TEX36: variants seen among roughly 807,000 people sequenced by gnomAD.
TEX36 encodes the protein testis-expressed protein 36.
In TEX36, 12 loss-of-function variants were observed where a neutral mutation model predicts 13.6. That is an observed-to-expected ratio of 0.88 (90% CI 0.56 to 1.43). TEX36 has a LOEUF of 1.43. TEX36 is among the 40% of genes most tolerant of loss of function. The pLI, the probability that TEX36 is intolerant of heterozygous loss-of-function variation, is 0.00. For missense variants in TEX36, 224 were observed against 228.3 expected, an observed-to-expected ratio of 0.98 and a Z score of 0.12; for synonymous variants, 93 against 83.0, an observed-to-expected ratio of 1.12 and a Z score of -0.65.
At chr10:125,620,461 C>T (rs1846416474), downstream of TEX36, among the ~76,000 whole-genome samples, 1 of 152,140 alleles carries the variant, frequency 6.6e-6, no homozygotes. Context: ...CTCTTTCCCT[C>T]TGACATTCAG....
At chr10:125,675,392 G>A (rs1420900938) in intron 1 of TEX36, among the ~76,000 whole-genome samples, 4 of 150,996 alleles carry the variant, frequency 2.6e-5, no homozygotes, top group Admixed American at 6.6e-5. Context: ...GAGTTCAGTC[G>A]TCTTAGGCAG....
intron 3 of TEX36, among the ~76,000 whole-genome samples, chr10:125,649,793 T>A (rs990485636): frequency 6.6e-6 from 1 of 151,856 alleles, no homozygotes; most frequent in African/African-American, 2.4e-5. Flanking sequence ...AACAAAGGGA[T>A]GAAGGAAGAT....
chr10:125,639,937 T>C (rs928303762), intron 3 of TEX36, among the ~76,000 whole-genome samples: 2 of 152,206 alleles, frequency 1.3e-5, no homozygotes, highest in Admixed American at 6.5e-5. Flanking sequence ...CATGGCATCT[T>C]AGACAAAGGC....
At chr10:125,625,277 T>C (rs1424786009) in intron 3 of TEX36, among the ~76,000 whole-genome samples, 3 of 152,190 alleles carry the variant, frequency 2.0e-5, no homozygotes, top group African/African-American at 7.2e-5. Context: ...AAAGTAAATG[T>C]TCAATTAAAC....
intron 1 of TEX36, among the ~76,000 whole-genome samples, chr10:125,675,104 C>T (rs183447567): frequency 1.3e-5 from 2 of 152,258 alleles, no homozygotes; most frequent in African/African-American, 2.4e-5. Flanking sequence ...TGTCCTTAAA[C>T]CCCTGGCTGG....
At chr10:125,667,823 C>T (rs945529629) in intron 1 of TEX36, 36 of 1,312,218 alleles carry the variant, frequency 2.7e-5, no homozygotes, top group Admixed American at 1.0e-4. Context: ...GGACTGCAGC[C>T]GCTTGGCAAT....
chr10:125,600,713 C>A (rs1846135183), intron 3 of TEX36, among the ~76,000 whole-genome samples: 1 of 152,204 alleles, frequency 6.6e-6, no homozygotes, highest in Non-Finnish European at 1.5e-5. Flanking sequence ...AGGAGGACAA[C>A]TGTCCCATCT....
chr10:125,618,550 G>A (rs1846386609), downstream of TEX36, among the ~76,000 whole-genome samples: 1 of 152,040 alleles, frequency 6.6e-6, no homozygotes, highest in Non-Finnish European at 1.5e-5. Flanking sequence ...CCGGCTGTGT[G>A]AGGTGTCAGT....
At chr10:125,609,163 AC>A (rs1336941683) in intron 3 of TEX36, among the ~76,000 whole-genome samples, 17,467 of 85,600 alleles carry the variant, frequency 0.2, 2,188 homozygotes, top group African/African-American at 0.5. Flanking sequence ...TCAGGAAAAA[AC>A]AAAACAAAAA....
At chr10:125,612,669 C>A (rs901512947) in intron 3 of TEX36, among the ~76,000 whole-genome samples, 5 of 152,054 alleles carry the variant, frequency 3.3e-5, no homozygotes, top group East Asian at 1.9e-4. Flanking sequence ...CCTTAGTAAT[C>A]CCCCGGGCTT....
intron 3 of TEX36, among the ~76,000 whole-genome samples, chr10:125,647,375 T>G (rs1023166854): frequency 6.6e-6 from 1 of 152,208 alleles, no homozygotes; most frequent in African/African-American, 2.4e-5. Context: ...AGCAAGATGT[T>G]AACAGTAGGG....
At chr10:125,632,821 C>T (rs1846574407) in intron 3 of TEX36, among the ~76,000 whole-genome samples, 1 of 152,086 alleles carries the variant, frequency 6.6e-6, no homozygotes, top group Non-Finnish European at 1.5e-5. Flanking sequence ...CATTTTCTTA[C>T]CAAAGATCAG....
chr10:125,666,968 G>A (rs1005684105), intron 1 of TEX36: 4 of 1,044,656 alleles, frequency 3.8e-6, no homozygotes, highest in African/African-American at 1.6e-5. Flanking sequence ...CCAGGCTGTT[G>A]GCCACGGCTC....
chr10:125,661,254 A>AG (rs1160537297), intron 2 of TEX36, among the ~76,000 whole-genome samples, 153 bp from the exon 3 acceptor site: 4 of 152,148 alleles, frequency 2.6e-5, no homozygotes, highest in Non-Finnish European at 5.9e-5. Context: ...CAGACACAGG[A>AG]GGGGGAGGAT....
chr10:125,576,614 C>A (rs1166493661), exon 4 of TEX36: 1 of 1,246,708 alleles, frequency 8.0e-7, no homozygotes, highest in East Asian at 2.6e-5. Flanking sequence ...ATTTATTTTT[C>A]CAAGAATGCT....
At chr10:125,631,768 G>A (rs1846557500) in intron 3 of TEX36, among the ~76,000 whole-genome samples, 1 of 152,176 alleles carries the variant, frequency 6.6e-6, no homozygotes, top group African/African-American at 2.4e-5. Context: ...TGTGGGAAGT[G>A]GCAGGTGCCT....
chr10:125,597,737 A>G (rs1474249595), intron 3 of TEX36, among the ~76,000 whole-genome samples: 1 of 152,188 alleles, frequency 6.6e-6, no homozygotes, highest in East Asian at 1.9e-4. Context: ...ATTTAGAAGA[A>G]AGAATGGCAG....
In TEX36 at chr10:125,655,866, T is replaced by C. The variant is rs1172973762; in HGVS notation, c.*34A>G. ...TTTAGGATGTCTGATGAAATACCAGTATTACAAAATTCATCAAAAATCTTC... is the reference window on the plus strand; with the variant it reads ...TTTAGGATGTCTGATGAAATACCAGCATTACAAAATTCATCAAAAATCTTC... On this transcript the variant is annotated 3_prime_UTR_variant, in exon 4 of 4. Coordinates refer to ENST00000368821, the MANE Select transcript of TEX36 (RefSeq NM_001128202.3). 2.1e-6 allele frequency: 3 copies of C among 1,457,682 alleles called. No homozygotes were observed. The highest frequency in any genetic ancestry group is 2.8e-5 in the Admixed American group (1 of 36,194). The allele number at this position is 1,457,682 out of a possible 1,614,324, so 90.3% of individuals were successfully genotyped here.
At chr10:125,598,343 G>C (rs1846106512) in intron 3 of TEX36, among the ~76,000 whole-genome samples, 1 of 152,222 alleles carries the variant, frequency 6.6e-6, no homozygotes, top group Non-Finnish European at 1.5e-5. Context: ...TACAAAAACT[G>C]GGTTAGTTTT....
Sources: allele counts gnomAD v4.1 joint callset (sites outside exome capture counted in the v4.1 genomes callset), GRCh38; gene constraint gnomAD v4.1.1; transcripts MANE v1.5; gene names NCBI Gene and HGNC (gene_info 2026-07-23, HGNC 2026-07-21).